Variants in TECRL observed in about 807,000 individuals in gnomAD.
TECRL encodes the protein trans-2,3-enoyl-CoA reductase-like.
TECRL carries 63 observed loss-of-function variants against 52.8 expected under a neutral mutation model. That is an observed-to-expected ratio of 1.19 (90% confidence interval 0.97 to 1.47). The LOEUF is 1.47. Ranked by LOEUF, TECRL falls within the 40% of genes most tolerant of loss-of-function variation. The pLI, the probability that TECRL is intolerant of heterozygous loss-of-function variation, is 0.00. For missense variants in TECRL, 482 were observed against 429.6 expected, an observed-to-expected ratio of 1.12 and a Z score of -1.08; for synonymous variants, 164 against 141.9, an observed-to-expected ratio of 1.16 and a Z score of -1.10.
chr4:64,326,618 T>C (rs992443468), intron 3 of TECRL, among the ~76,000 whole-genome samples: 6 of 152,120 alleles, frequency 3.9e-5, no homozygotes, highest in Admixed American at 1.3e-4. Context: ...AGAGACCACA[T>C]TGAACAAAGG....
intron 1 of TECRL, among the ~76,000 whole-genome samples, chr4:64,406,963 AAATC>A (rs1437557251): frequency 5.6e-4 from 85 of 151,928 alleles, no homozygotes; most frequent in Non-Finnish European, 1.3e-4. Flanking sequence ...AATAATAAAT[AAATC>A]AGTCTTTTTT....
chr4:64,371,404 G>A (rs1012530512), intron 2 of TECRL, among the ~76,000 whole-genome samples: 1 of 150,518 alleles, frequency 6.6e-6, no homozygotes, highest in Non-Finnish European at 1.5e-5. Context: ...TAAATAATTA[G>A]AAATAATTTT....
At chr4:64,353,770 AC>A (rs1188468415) in intron 2 of TECRL, among the ~76,000 whole-genome samples, 1 of 150,310 alleles carries the variant, frequency 6.7e-6, no homozygotes, top group Non-Finnish European at 1.5e-5. Flanking sequence ...TATTTTTTAA[AC>A]CATGCAAATG....
intron 1 of TECRL, among the ~76,000 whole-genome samples, chr4:64,402,190 G>T (rs763176749): frequency 6.6e-6 from 1 of 151,984 alleles, no homozygotes; most frequent in African/African-American, 2.4e-5. Flanking sequence ...GCTTTCAAAT[G>T]TTTGAATCAT....
In TECRL at chr4:64,388,220, C is replaced by CTTTTTTTTTTTTT. The variant is rs3045235; in HGVS notation, c.235-13010_235-12998dup. ...GAAATGTGTAAGATGAGTCTAAATC[C>CTTTTTTTTTTTTT]TTTTTTTTTTTTTTGCATGTGGATG... On this transcript the variant is annotated intron_variant, in intron 1 of 11. Coordinates refer to ENST00000381210, the MANE Select transcript of TECRL (RefSeq NM_001010874.5). Among the ~76,000 whole-genome samples the CTTTTTTTTTTTTT allele has an allele frequency of 1.6e-5, 2 of 127,122 alleles. 1 individual carries two copies. Among genetic ancestry groups the CTTTTTTTTTTTTT allele is most frequent in the Non-Finnish European group, 3.2e-5 (2 of 61,630 alleles). The allele number at this position is 127,122 out of a possible 152,430, so 83.4% of individuals were successfully genotyped here.
At chr4:64,342,330 A>C (rs1010796374) in intron 2 of TECRL, among the ~76,000 whole-genome samples, 1 of 152,138 alleles carries the variant, frequency 6.6e-6, no homozygotes, top group African/African-American at 2.4e-5. Context: ...CAGTGATTGG[A>C]GGACTGCATG....
In TECRL at chr4:64,328,557, C is replaced by T. The variant is rs1718415680; in HGVS notation, c.287-1G>A. 1.2e-6 allele frequency: 2 copies of T among 1,608,602 alleles called. No individual in the cohort carries two copies. The highest frequency in any genetic ancestry group is 8.5e-7 in the Non-Finnish European group (1 of 1,176,852). Reference sequence around the variant, plus strand: ...ACTCGAGAAGGGTACCACTTTGGACCTATTCAATGAAAAATAACATTTAAT... The same window carrying T: ...ACTCGAGAAGGGTACCACTTTGGACTTATTCAATGAAAAATAACATTTAAT... On this transcript the variant is annotated splice_acceptor_variant, in intron 2 of 11. Coordinates refer to ENST00000381210, the MANE Select transcript of TECRL (RefSeq NM_001010874.5). LOFTEE classifies it high-confidence loss of function.
At chr4:64,286,366 T>C (rs1461928293) in intron 9 of TECRL, among the ~76,000 whole-genome samples, 3 of 151,908 alleles carry the variant, frequency 2.0e-5, no homozygotes, top group Non-Finnish European at 4.4e-5. Flanking sequence ...ACAGAGGATA[T>C]TAAGCAGATA....
intron 2 of TECRL, among the ~76,000 whole-genome samples, chr4:64,334,287 G>C (rs2110058468): frequency 6.6e-6 from 1 of 152,006 alleles, no homozygotes; most frequent in Admixed American, 6.6e-5. Flanking sequence ...GGTTTATTTT[G>C]TTAAAAAAGA....
At chr4:64,373,487 T>C (rs946522027) in intron 2 of TECRL, among the ~76,000 whole-genome samples, 1 of 151,840 alleles carries the variant, frequency 6.6e-6, no homozygotes. Flanking sequence ...ATCACATAAA[T>C]AGAAAACGCG....
At chr4:64,334,045 A>AAG (rs1285357558) in intron 2 of TECRL, among the ~76,000 whole-genome samples, 5 of 119,836 alleles carry the variant, frequency 4.2e-5, no homozygotes, top group African/African-American at 1.5e-4. Flanking sequence ...AAAAAAAAAA[A>AAG]AAAAGAAAAA....
intron 3 of TECRL, among the ~76,000 whole-genome samples, chr4:64,324,343 A>C (rs1238874789): frequency 6.6e-6 from 1 of 152,072 alleles, no homozygotes. Flanking sequence ...AAATGAGTAG[A>C]CTAGAGCTCA....
intron 1 of TECRL, among the ~76,000 whole-genome samples, chr4:64,394,474 G>T (rs1723784974): frequency 6.6e-6 from 1 of 152,044 alleles, no homozygotes; most frequent in Non-Finnish European, 1.5e-5. Context: ...GCAGCCAAAG[G>T]TACTAGTCCT....
chr4:64,353,575 T>C (rs1720548679), intron 2 of TECRL, among the ~76,000 whole-genome samples: 1 of 152,096 alleles, frequency 6.6e-6, no homozygotes, highest in African/African-American at 2.4e-5. Context: ...AGTATTTGAA[T>C]TAAATTAGTA....
At chr4:64,292,253 G>A (rs1370667288) in intron 8 of TECRL, among the ~76,000 whole-genome samples, 1 of 151,942 alleles carries the variant, frequency 6.6e-6, no homozygotes, top group Admixed American at 6.6e-5. Context: ...ATCTAAATAT[G>A]TCTTCATTTG....
intron 2 of TECRL, among the ~76,000 whole-genome samples, chr4:64,350,800 GCCAC>G (rs1720338258): frequency 6.6e-6 from 1 of 151,690 alleles, no homozygotes; most frequent in South Asian, 2.1e-4. Flanking sequence ...AATCACATGA[GCCAC>G]CCTCCACATT....
intron 2 of TECRL, among the ~76,000 whole-genome samples, chr4:64,355,401 T>C (rs1229309117): frequency 8.2e-6 from 1 of 121,470 alleles, no homozygotes; most frequent in Non-Finnish European, 1.8e-5. Flanking sequence ...TATTAACTTT[T>C]GTACTCTCCA....
intron 9 of TECRL, among the ~76,000 whole-genome samples, chr4:64,283,752 G>A (rs1722945244): frequency 6.6e-6 from 1 of 152,074 alleles, no homozygotes; most frequent in Admixed American, 6.6e-5. Context: ...ATGCAGATCT[G>A]TTAAGTCAAG....
intron 3 of TECRL, among the ~76,000 whole-genome samples, chr4:64,323,677 A>G (rs1199572067): frequency 1.3e-5 from 2 of 152,202 alleles, no homozygotes; most frequent in Non-Finnish European, 2.9e-5. Context: ...TACTGGTGAG[A>G]ATGTTAAAAT....
Sources: gnomAD v4.1 joint callset for allele counts (sites outside exome capture counted in the v4.1 genomes callset) on GRCh38, gnomAD v4.1.1 for gene constraint, MANE v1.5 for transcripts, NCBI Gene and HGNC (gene_info 2026-07-23, HGNC 2026-07-21) for gene names.